SYNE1: variants seen among roughly 807,000 people sequenced by gnomAD.
The protein encoded by SYNE1 is nesprin-1.
A neutral mutation model predicts 1,111.0 loss-of-function variants in SYNE1; 616 were observed. The ratio of observed to expected loss-of-function variants is 0.55; its 90% CI spans 0.52 to 0.59. The LOEUF (loss-of-function observed/expected upper bound fraction) is 0.59. SYNE1 is among the 20% of genes least tolerant of loss of function. SYNE1 has a pLI of 0.00. For synonymous variants in SYNE1, 3,855 were observed against 3,825.8 expected (o/e 1.01, Z -0.28); for missense variants, 10,006 against 10,417.0 (o/e 0.96, Z 1.72).
chr6:152,444,607 T>A, intron 29 of SYNE1, 29 bp from the exon 30 acceptor site: 1 of 1,569,114 alleles, frequency 6.4e-7, no homozygotes, highest in Non-Finnish European at 8.7e-7. Flanking sequence ...AAAAAACACG[T>A]AAATCATATG....
intron 3 of SYNE1, among the ~76,000 whole-genome samples, chr6:152,611,919 G>A (rs768454769): frequency 6.6e-6 from 1 of 151,610 alleles, no homozygotes; most frequent in Admixed American, 6.6e-5. Context: ...ACAAAATGAA[G>A]GCAGAAATAA....
At chr6:152,408,448 T>C (rs1592082984) in intron 44 of SYNE1, among the ~76,000 whole-genome samples, 1 of 152,216 alleles carries the variant, frequency 6.6e-6, no homozygotes, top group South Asian at 2.1e-4. Context: ...CTATAGAATG[T>C]TCATAAATTC....
chr6:152,593,966 C>T (rs1301468935), intron 3 of SYNE1, among the ~76,000 whole-genome samples: 3 of 152,170 alleles, frequency 2.0e-5, no homozygotes, highest in Non-Finnish European at 2.9e-5. Context: ...ACCCACCCAC[C>T]TTCTCATTAA....
At chr6:152,414,055 C>T (rs564068457) in intron 41 of SYNE1, among the ~76,000 whole-genome samples, 20 of 149,132 alleles carry the variant, frequency 1.3e-4, no homozygotes, top group Non-Finnish European at 2.2e-4. Flanking sequence ...AAAAGATTAC[C>T]ATAAGGAAAT....
chr6:152,490,827 C>G (rs1362898073), intron 11 of SYNE1, among the ~76,000 whole-genome samples: 1 of 152,178 alleles, frequency 6.6e-6, no homozygotes, highest in East Asian at 1.9e-4. Flanking sequence ...AGAAGATCCA[C>G]CTATGACCTT....
chr6:152,359,584 T>C, intron 64 of SYNE1, 126 bp from the exon 65 acceptor site: 8 of 1,141,326 alleles, frequency 7.0e-6, no homozygotes, highest in Non-Finnish European at 8.9e-6. Flanking sequence ...CGTCCACTCC[T>C]CCATCATTTT....
At chr6:152,627,646 G>T (rs1212367542) in intron 3 of SYNE1, among the ~76,000 whole-genome samples, 5 of 152,138 alleles carry the variant, frequency 3.3e-5, no homozygotes, top group Non-Finnish European at 5.9e-5. Flanking sequence ...GACAGAGCAA[G>T]ATTCCATCTT....
Position 152,143,684 on chromosome 6 carries a change from T to A in SYNE1, c.25058A>T (p.Glu8353Val). 1 of 1,614,230 alleles carries A rather than the reference T, an allele frequency of 6.2e-7. No homozygotes were observed. The highest frequency in any genetic ancestry group is 8.5e-7 in the Non-Finnish European group (1 of 1,180,040). ...DDSRFQIQQT[E>V]NIIRSKTPTG... Reference sequence around the variant, plus strand: ...GGGAGTTTTGCTGCGAATGATATTTTCGGTTTGCTGTATCTGAAAACGGCT... The same window carrying A: ...GGGAGTTTTGCTGCGAATGATATTTACGGTTTGCTGTATCTGAAAACGGCT... Residue 8353 changes from glutamate (E) to valine (V), a missense_variant, in exon 138 of 146, where the codon GAA becomes GTA. By Grantham distance (121) the Glu-to-Val change is moderately radical (BLOSUM62 -2). Coordinates refer to ENST00000367255, the MANE Select transcript of SYNE1 (RefSeq NM_182961.4).
At chr6:152,589,785 A>G (rs2128498653) in intron 3 of SYNE1, among the ~76,000 whole-genome samples, 1 of 152,186 alleles carries the variant, frequency 6.6e-6, no homozygotes, top group South Asian at 2.1e-4. Flanking sequence ...TGAAACTACT[A>G]CTTTAGCAAA....
rs2099443642 is a variant in SYNE1 at position 152,570,279 on chromosome 6, C to T, written c.68-30258G>A. Among the ~76,000 whole-genome samples the T allele has an allele frequency of 2.6e-5, 4 of 152,058 alleles. No individual in the cohort carries two copies. The South Asian group carries it at 8.3e-4, about 32-fold the overall frequency. ...ATATTATGTAGGTATTTGATTGTCC[C>T]GAACACATCAAAATATTACGCTTTC... On this transcript the variant is annotated intron_variant, in intron 3 of 145. Transcript: ENST00000367255.
At chr6:152,245,426 GAGGTTGCCCCTGA>G (rs1210953925) in intron 105 of SYNE1, among the ~76,000 whole-genome samples, 5 of 152,200 alleles carry the variant, frequency 3.3e-5, no homozygotes, top group African/African-American at 1.2e-4. Flanking sequence ...GAGGGCAACA[GAGGTTGCCCCTGA>G]AGGAGGACAA....
At chr6:152,377,631 AAAAAAAAAAATATATATATATATATATAT>A (rs1347462701) in intron 56 of SYNE1, among the ~76,000 whole-genome samples, 137 of 96,780 alleles carry the variant, frequency 1.4e-3, no homozygotes, top group Non-Finnish European at 2.3e-3. Context: ...AAAAAAAAAA[AAAAAAAAAAATATATATATATATATATAT>A]ATATATATAT....
At chr6:152,329,285 G>C (rs2096179701) in intron 78 of SYNE1, among the ~76,000 whole-genome samples, 1 of 152,252 alleles carries the variant, frequency 6.6e-6, no homozygotes, top group Non-Finnish European at 1.5e-5. Context: ...CAGCACTTTG[G>C]GAGGCCAAGG....
intron 58 of SYNE1, 89 bp downstream of exon 58, chr6:152,376,292 C>G (rs569147802): frequency 2.4e-5 from 34 of 1,442,056 alleles, no homozygotes; most frequent in Middle Eastern, 4.6e-4. Context: ...TGTACCAGTC[C>G]GCGGCCCAGG....
At chr6:152,153,838 A>G (rs1448734308) in intron 133 of SYNE1, among the ~76,000 whole-genome samples, 1 of 152,210 alleles carries the variant, frequency 6.6e-6, no homozygotes, top group Non-Finnish European at 1.5e-5. Flanking sequence ...AAGTATTTGA[A>G]CATTTTTCTA....
chr6:152,218,200 A>G, intron 121 of SYNE1, 57 bp downstream of exon 121: 3 of 1,607,828 alleles, frequency 1.9e-6, no homozygotes, highest in Non-Finnish European at 2.6e-6. Context: ...TCAAAAAAAA[A>G]AAGATTTTTG....
At chr6:152,628,043 A>C (rs931317396) in intron 3 of SYNE1, among the ~76,000 whole-genome samples, 1 of 135,082 alleles carries the variant, frequency 7.4e-6, no homozygotes, top group Non-Finnish European at 1.6e-5. Context: ...ACACAAAATT[A>C]CAAAAAAAAA....
chr6:152,578,212 C>T (rs2128389347), intron 3 of SYNE1, among the ~76,000 whole-genome samples: 1 of 152,196 alleles, frequency 6.6e-6, no homozygotes, highest in African/African-American at 2.4e-5. Context: ...CAGGAAGTTA[C>T]ATGGAAATAC....
intron 3 of SYNE1, among the ~76,000 whole-genome samples, chr6:152,553,958 G>A (rs748040983): frequency 6.6e-6 from 1 of 152,126 alleles, no homozygotes. Context: ...AAGGGGCTGG[G>A]ACTTTGCATC....
Sources: allele counts gnomAD v4.1 joint callset (sites outside exome capture counted in the v4.1 genomes callset), GRCh38; gene constraint gnomAD v4.1.1; transcripts MANE v1.5; gene names NCBI Gene and HGNC (gene_info 2026-07-23, HGNC 2026-07-21).